CDADC1: variants seen among roughly 807,000 people sequenced by gnomAD.
CDADC1 encodes the protein cytidine and dCMP deaminase domain containing 1, also known as dCTP deaminase.
A neutral mutation model predicts 54.9 loss-of-function variants in CDADC1; 39 were observed. The observed-to-expected ratio is 0.71, with a 90% CI of 0.55 to 0.93. The LOEUF (loss-of-function observed/expected upper bound fraction) is 0.93. Among genes scored for constraint, CDADC1 ranks in the 40% least tolerant of loss-of-function variants. The pLI, the probability that CDADC1 is intolerant of heterozygous loss-of-function variation, is 0.00. For missense variants in CDADC1, 518 were observed against 618.8 expected (o/e 0.84, Z 1.73); for synonymous variants, 186 against 204.0 (o/e 0.91, Z 0.75).
chr13:49,286,793 G>A (rs529294824), intron 9 of CDADC1, among the ~76,000 whole-genome samples: 42 of 152,206 alleles, frequency 2.8e-4, no homozygotes, highest in African/African-American at 8.7e-4. Context: ...TTTATTATTC[G>A]TATACTACTA....
chr13:49,286,200 A>G (rs761961316), intron 8 of CDADC1, 22 bp from the exon 9 acceptor site: 7 of 1,599,896 alleles, frequency 4.4e-6, no homozygotes, highest in South Asian at 1.1e-5. Context: ...TAAACAAGTA[A>G]AATGTTTGTG....
chr13:49,258,949 T>C (rs1362499911), intron 3 of CDADC1, among the ~76,000 whole-genome samples: 2 of 152,256 alleles, frequency 1.3e-5, no homozygotes, highest in Non-Finnish European at 2.9e-5. Flanking sequence ...GCTTTACTTA[T>C]CCATGTGTAA....
At chr13:49,261,281 G>A (rs529480978) in intron 4 of CDADC1, among the ~76,000 whole-genome samples, 2 of 152,270 alleles carry the variant, frequency 1.3e-5, no homozygotes, top group Admixed American at 6.5e-5. Context: ...GAAACCTCTC[G>A]GCCTGCAACA....
intron 8 of CDADC1, among the ~76,000 whole-genome samples, chr13:49,284,738 A>C (rs1018684863): frequency 4.6e-5 from 7 of 152,236 alleles, no homozygotes; most frequent in African/African-American, 1.7e-4. Context: ...AATACATGGT[A>C]AAATGTTTGT....
intron 7 of CDADC1, among the ~76,000 whole-genome samples, chr13:49,280,093 G>A (rs749154363): frequency 2.0e-5 from 3 of 152,182 alleles, no homozygotes; most frequent in Non-Finnish European, 4.4e-5. Context: ...CTAACAAGAT[G>A]AGTTAGTGTC....
chr13:49,292,740 A>C lies in CDADC1; in HGVS notation c.*983A>C. On this transcript the variant is annotated 3_prime_UTR_variant, in exon 10 of 10. Transcript: ENST00000251108. Reference sequence around the variant, plus strand: ...TTTGCTGAGAAACATTCAGAAAATTATTCCAAAAATGAAGGTACATTTTCT... The same window carrying C: ...TTTGCTGAGAAACATTCAGAAAATTCTTCCAAAAATGAAGGTACATTTTCT... 1 of 1,272,402 alleles carries C rather than the reference A, an allele frequency of 7.9e-7. No homozygotes were observed. The highest frequency in any genetic ancestry group is 1.0e-6 in the Non-Finnish European group (1 of 982,148). 78.8% of individuals were successfully genotyped at this position (1,272,402 alleles called of 1,614,324 possible).
Position 49,255,870 on chromosome 13 carries a change from G to A in CDADC1, c.209G>A (p.Gly70Glu). ...GAAGAGGGAAAGCATGGACCCTTAG[G>A]AGATAATGAAGAGAGGACCAGAGTA... Reference protein sequence around the residue: ...KNEEGKHGPLGDNEERTRVST... With the variant: ...KNEEGKHGPLEDNEERTRVST... The change falls in exon 3 of 10, where the codon GGA becomes GAA. Residue 70 changes from glycine (G) to glutamate (E), a missense_variant. Gly to Glu is a moderately conservative substitution (Grantham distance 98). Coordinates refer to ENST00000251108, the MANE Select transcript of CDADC1 (RefSeq NM_030911.4). The A allele has an allele frequency of 6.2e-7, 1 of 1,611,768 alleles. No homozygotes were observed. The highest frequency in any genetic ancestry group is 8.5e-7 in the Non-Finnish European group (1 of 1,179,286).
At position 49,286,283 on chromosome 13, in the gene CDADC1, G is replaced by GT. The variant is rs1234932415; in HGVS notation, c.1471+2dup. The GT allele has an allele frequency of 6.2e-7, 1 of 1,609,692 alleles. No individual in the cohort carries two copies. Among genetic ancestry groups the GT allele is most frequent in the African/African-American group, 1.3e-5 (1 of 74,836 alleles). ...CAAAATGAGCCTGAAAGGAGAGAAA[G>GT]TAAGTATTTATGTATTGAGGTGAAC... On this transcript the variant is annotated splice_donor_variant, in intron 9 of 9. Transcript: ENST00000251108. LOFTEE classifies it high-confidence loss of function.
Position 49,259,459 on chromosome 13 carries a change from GAA to G in CDADC1, c.370_371del (p.Asn124LeufsTer2), listed in dbSNP as rs758550740. The G allele has an allele frequency of 3.7e-6, 6 of 1,614,102 alleles. No individual in the cohort carries two copies. Among genetic ancestry groups the G allele is most frequent in the Non-Finnish European group, 5.1e-6 (6 of 1,179,984 alleles). ...CTCTTATTAAACATGGGTCAAGGCT[GAA>G]AAACTGTGATCTTTATTTTTCCAGA... Reference protein sequence around the residue: ...IALIKHGSRLKNCDLYFSRKP... With the variant: ...IALIKHGSRLXNCDLYFSRKP... On this transcript the variant is annotated frameshift_variant, in exon 4 of 10. Coordinates refer to ENST00000251108, the MANE Select transcript of CDADC1 (RefSeq NM_030911.4). LOFTEE classifies it high-confidence loss of function.
At chr13:49,274,932 T>C (rs1196065135) in intron 6 of CDADC1, among the ~76,000 whole-genome samples, 1 of 152,116 alleles carries the variant, frequency 6.6e-6, no homozygotes, top group Non-Finnish European at 1.5e-5. Flanking sequence ...CATGAGAACA[T>C]AGAGGAGGAA....
intron 9 of CDADC1, among the ~76,000 whole-genome samples, chr13:49,289,094 A>G (rs1027612184): frequency 1.5e-5 from 2 of 135,880 alleles, no homozygotes; most frequent in African/African-American, 2.8e-5. Context: ...GCAAATTAAC[A>G]TTGCACGGAA....
At chr13:49,289,777 G>A (rs192119492) in intron 9 of CDADC1, among the ~76,000 whole-genome samples, 1 of 152,328 alleles carries the variant, frequency 6.6e-6, no homozygotes, top group Non-Finnish European at 1.5e-5. Context: ...CAGGCATGGT[G>A]CTCACACCTA....
chr13:49,275,863 G>A (rs1011122540), intron 6 of CDADC1, among the ~76,000 whole-genome samples: 3 of 149,616 alleles, frequency 2.0e-5, no homozygotes, highest in Non-Finnish European at 3.0e-5. Context: ...CTGCCTCCTG[G>A]GTTCAAGCAA....
intron 4 of CDADC1, among the ~76,000 whole-genome samples, chr13:49,263,017 AG>A (rs146574716): frequency 0.01 from 1,595 of 152,308 alleles, 22 homozygotes; most frequent in African/African-American, 0.036. Context: ...AGGAAACAGG[AG>A]GTGGGTATAA....
At chr13:49,261,606 C>G (rs1952689262) in intron 4 of CDADC1, among the ~76,000 whole-genome samples, 1 of 152,182 alleles carries the variant, frequency 6.6e-6, no homozygotes, top group Non-Finnish European at 1.5e-5. Context: ...TAGACTATTG[C>G]ATTAGGCAAG....
chr13:49,273,290 T>G (rs1953017181), intron 5 of CDADC1, among the ~76,000 whole-genome samples: 1 of 152,186 alleles, frequency 6.6e-6, no homozygotes, highest in African/African-American at 2.4e-5. Context: ...ACGGTTTCAG[T>G]TAATCCTCCC....
intron 8 of CDADC1, among the ~76,000 whole-genome samples, chr13:49,284,210 A>G (rs1198345432): frequency 6.6e-6 from 1 of 152,048 alleles, no homozygotes; most frequent in African/African-American, 2.4e-5. Context: ...ATATGTGTGG[A>G]TTTTTCTCTA....
intron 7 of CDADC1, 152 bp downstream of exon 7, chr13:49,278,671 C>A: frequency 1.7e-6 from 1 of 579,424 alleles, no homozygotes; most frequent in Non-Finnish European, 2.9e-6. Flanking sequence ...TCCTCACTGC[C>A]AGACCTGAAG....
chr13:49,289,283 C>T (rs1953626364), intron 9 of CDADC1, among the ~76,000 whole-genome samples: 1 of 152,008 alleles, frequency 6.6e-6, no homozygotes, highest in African/African-American at 2.4e-5. Context: ...CATGCACCAC[C>T]ATGCCCAGCT....
Sources: gnomAD v4.1 joint callset for allele counts (sites outside exome capture counted in the v4.1 genomes callset) on GRCh38, gnomAD v4.1.1 for gene constraint, MANE v1.5 for transcripts, NCBI Gene and HGNC (gene_info 2026-07-23, HGNC 2026-07-21) for gene names.